CSMD1: variants seen among roughly 807,000 people sequenced by gnomAD.
CSMD1 encodes CUB and Sushi multiple domains 1.
Under a neutral mutation model 417.5 loss-of-function variants are expected in CSMD1, and 213 were observed. The ratio of observed to expected loss-of-function variants is 0.51; its 90% CI spans 0.46 to 0.57. The LOEUF (loss-of-function observed/expected upper bound fraction) is 0.57, where lower values mean the gene tolerates loss of function less well. CSMD1 is among the 20% of genes least tolerant of loss of function. CSMD1 has a pLI of 0.00. For missense variants in CSMD1, 6,923 were observed against 4,529.7 expected (o/e 1.53, Z -15.17); for synonymous variants, 2,862 against 1,736.8 (o/e 1.65, Z -16.11).
At chr8:3,825,025 G>C (rs1801973205) in intron 5 of CSMD1, among the ~76,000 whole-genome samples, 2 of 152,164 alleles carry the variant, frequency 1.3e-5, no homozygotes, top group South Asian at 2.1e-4. Context: ...GGAAATGCTA[G>C]CACTTTTTCA....
chr8:4,973,973 A>G (rs1451986763), intron 1 of CSMD1, among the ~76,000 whole-genome samples: 1 of 152,178 alleles, frequency 6.6e-6, no homozygotes, highest in East Asian at 1.9e-4. Flanking sequence ...CTTAATAACA[A>G]GCCATCCAAA....
chr8:3,200,565 A>AT (rs1563136723), intron 32 of CSMD1, among the ~76,000 whole-genome samples: 1 of 150,270 alleles, frequency 6.7e-6, no homozygotes, highest in African/African-American at 2.4e-5. Context: ...TCTCAAAAAA[A>AT]AATAATAATA....
At chr8:4,454,694 G>A (rs912616502) in intron 2 of CSMD1, among the ~76,000 whole-genome samples, 1 of 152,128 alleles carries the variant, frequency 6.6e-6, no homozygotes, top group South Asian at 2.1e-4. Flanking sequence ...CTACATAGCA[G>A]CTAATCAACC....
chr8:3,685,932 T>C (rs1489705515), intron 7 of CSMD1, among the ~76,000 whole-genome samples: 1 of 152,158 alleles, frequency 6.6e-6, no homozygotes, highest in East Asian at 1.9e-4. Context: ...TTAGTTATTT[T>C]TAAAAGTACA....
rs539844168 is a variant in CSMD1 at position 4,289,973 on chromosome 8, T to C, written c.415+129980A>G. Among the ~76,000 whole-genome samples the C allele has an allele frequency of 7.2e-5, 11 of 152,336 alleles. No individual in the cohort carries two copies. In the South Asian group the frequency reaches 2.3e-3, roughly 32 times the overall value. On this transcript the variant is annotated intron_variant, in intron 3 of 69. Coordinates refer to ENST00000635120, the MANE Select transcript of CSMD1 (RefSeq NM_033225.6). ...TCTTGAGAGGAGACTCATTATTTCATTCAGCTTGTATATTTAAGGAATGTG... is the reference window on the plus strand; with the variant it reads ...TCTTGAGAGGAGACTCATTATTTCACTCAGCTTGTATATTTAAGGAATGTG...
chr8:3,468,636 C>G (rs1294526168), intron 12 of CSMD1, 76 bp downstream of exon 12: 2 of 853,058 alleles, frequency 2.3e-6, no homozygotes, highest in Non-Finnish European at 3.7e-6. Context: ...TTACTTCTAC[C>G]TAACCAACAC....
intron 1 of CSMD1, among the ~76,000 whole-genome samples, chr8:4,835,421 G>C (rs1051537628): frequency 7.9e-5 from 12 of 152,200 alleles, no homozygotes; most frequent in Admixed American, 4.6e-4. Flanking sequence ...CAAACATTAA[G>C]AGACAAGAGG....
At chr8:4,134,172 TATTTAA>T (rs1176800741) in intron 3 of CSMD1, among the ~76,000 whole-genome samples, 5 of 152,334 alleles carry the variant, frequency 3.3e-5, no homozygotes, top group South Asian at 2.1e-4. Context: ...TATGTTTGAC[TATTTAA>T]AATTAAAGTT....
At chr8:3,224,199 CGTGCACACAT>C in intron 27 of CSMD1, among the ~76,000 whole-genome samples, 1 of 152,308 alleles carries the variant, frequency 6.6e-6, no homozygotes, top group South Asian at 2.1e-4. Flanking sequence ...TACCTGCCAA[CGTGCACACAT>C]GTGCACAAAC....
intron 26 of CSMD1, among the ~76,000 whole-genome samples, chr8:3,267,551 G>A (rs1801525397): frequency 6.6e-6 from 1 of 152,172 alleles, no homozygotes; most frequent in Non-Finnish European, 1.5e-5. Context: ...GGGCCAGGGA[G>A]CTTCCAGCAC....
chr8:3,938,807 G>A (rs1324326687), intron 5 of CSMD1, among the ~76,000 whole-genome samples: 1 of 152,104 alleles, frequency 6.6e-6, no homozygotes, highest in African/African-American at 2.4e-5. Context: ...ATTTTCTTCA[G>A]TAAAATATTT....
chr8:3,314,819 TC>T (rs1584984580), intron 23 of CSMD1, among the ~76,000 whole-genome samples: 1 of 152,248 alleles, frequency 6.6e-6, no homozygotes, highest in African/African-American at 2.4e-5. Context: ...TTAGTTCTTA[TC>T]TTCCAAATAA....
chr8:3,854,313 T>A (rs1016655698), intron 5 of CSMD1, among the ~76,000 whole-genome samples: 2 of 151,894 alleles, frequency 1.3e-5, no homozygotes, highest in African/African-American at 4.8e-5. Flanking sequence ...TAGTGTGCAC[T>A]GCCCTTTTTA....
At chr8:4,574,334 C>A (rs776094103) in intron 2 of CSMD1, among the ~76,000 whole-genome samples, 2 of 152,142 alleles carry the variant, frequency 1.3e-5, no homozygotes, top group African/African-American at 2.4e-5. Context: ...TAGCACCATC[C>A]CTCAACGGCG....
chr8:3,226,047 G>A (rs1489800751), intron 27 of CSMD1, among the ~76,000 whole-genome samples: 3 of 152,168 alleles, frequency 2.0e-5, no homozygotes, highest in African/African-American at 7.2e-5. Context: ...TTTGAAGCTG[G>A]TCTTTAACGA....
At chr8:4,967,617 C>T (rs190840503) in intron 1 of CSMD1, among the ~76,000 whole-genome samples, 4 of 152,212 alleles carry the variant, frequency 2.6e-5, no homozygotes, top group East Asian at 1.9e-4. Context: ...ACCTATACTT[C>T]GGTTCTATGT....
At chr8:4,022,646 A>C (rs570888164) in intron 4 of CSMD1, among the ~76,000 whole-genome samples, 1 of 152,292 alleles carries the variant, frequency 6.6e-6, no homozygotes, top group South Asian at 2.1e-4. Context: ...CCTCTGGGTG[A>C]GCGCTCAGGG....
intron 26 of CSMD1, among the ~76,000 whole-genome samples, chr8:3,244,747 G>C (rs938330702): frequency 6.6e-6 from 1 of 152,314 alleles, no homozygotes; most frequent in Admixed American, 6.5e-5. Flanking sequence ...GGTTGAATGG[G>C]AGGGATATAA....
At chr8:3,310,503 AACAATCTTCC>A (rs1341006647) in intron 23 of CSMD1, among the ~76,000 whole-genome samples, 2 of 152,168 alleles carry the variant, frequency 1.3e-5, no homozygotes, top group African/African-American at 4.8e-5. Flanking sequence ...ATTAATAACA[AACAATCTTCC>A]AAAATCTTGC....
Sources: allele counts gnomAD v4.1 joint callset (sites outside exome capture counted in the v4.1 genomes callset), GRCh38; gene constraint gnomAD v4.1.1; transcripts MANE v1.5; gene names NCBI Gene and HGNC (gene_info 2026-07-23, HGNC 2026-07-21).